KCNH1: variants seen among roughly 807,000 people sequenced by gnomAD.
The protein encoded by KCNH1 is potassium voltage-gated channel subfamily H member 1.
A neutral mutation model predicts 69.2 loss-of-function variants in KCNH1; 27 were observed. The ratio of observed to expected loss-of-function variants is 0.39; its 90% CI spans 0.29 to 0.54. The LOEUF is 0.54. Ranked by LOEUF, KCNH1 falls within the 20% of genes least tolerant of loss-of-function variation. The pLI is 0.68. For synonymous variants in KCNH1, 456 were observed against 487.7 expected (o/e 0.93, Z 0.86); for missense variants, 798 against 1,261.6 (o/e 0.63, Z 5.57).
intron 5 of KCNH1, among the ~76,000 whole-genome samples, chr1:211,027,758 C>A (rs758496829): frequency 2.0e-5 from 3 of 151,556 alleles, no homozygotes; most frequent in Non-Finnish European, 4.4e-5. Flanking sequence ...ATAAAAGCAT[C>A]ACTCCACCAA....
At chr1:210,956,907 A>G (rs1688188275) in intron 6 of KCNH1, among the ~76,000 whole-genome samples, 1 of 151,580 alleles carries the variant, frequency 6.6e-6, no homozygotes, top group African/African-American at 2.4e-5. Context: ...TCGTTTCTCT[A>G]TCTCCTTCAA....
chr1:210,863,683 T>C (rs1025040690), intron 7 of KCNH1, among the ~76,000 whole-genome samples: 2 of 152,160 alleles, frequency 1.3e-5, no homozygotes, highest in Non-Finnish European at 1.5e-5. Flanking sequence ...TCACAGCTCT[T>C]ATTAGGAAAT....
intron 6 of KCNH1, among the ~76,000 whole-genome samples, chr1:211,013,791 C>T (rs375571673): frequency 1.3e-3 from 191 of 152,322 alleles, no homozygotes; most frequent in African/African-American, 4.4e-3. Context: ...CAAGGTTGCA[C>T]AGCTGGGTGA....
chr1:210,809,705 T>C lies in KCNH1; in HGVS notation c.1463-5539A>G, dbSNP rs534765104. Among the ~76,000 whole-genome samples, 3 of 152,234 alleles carry C rather than the reference T, an allele frequency of 2.0e-5. No individual in the cohort carries two copies. In the South Asian group the frequency reaches 6.2e-4, roughly 32 times the overall value. On this transcript the variant is annotated intron_variant, in intron 7 of 10. Transcript: ENST00000271751. ...TGAGTGGTCTCTTATCAGGAAGGAA[T>C]CCAGTTCAGCTGTTTTGTGAAAATC...
chr1:211,059,130 A>G (rs111618176), intron 5 of KCNH1, among the ~76,000 whole-genome samples: 2 of 151,832 alleles, frequency 1.3e-5, no homozygotes, highest in African/African-American at 4.8e-5. Context: ...AATACAAAAA[A>G]CTAGCTAGGT....
intron 10 of KCNH1, among the ~76,000 whole-genome samples, chr1:210,716,857 T>G (rs866918055): frequency 4.1e-4 from 62 of 152,246 alleles, no homozygotes; most frequent in Middle Eastern, 6.8e-3. Flanking sequence ...TATGATTTTT[T>G]GGGGCTAAGA....
chr1:210,842,106 T>C (rs975388565), intron 7 of KCNH1, among the ~76,000 whole-genome samples: 4 of 152,158 alleles, frequency 2.6e-5, no homozygotes, highest in South Asian at 2.1e-4. Context: ...ACTTGCAAAT[T>C]TGGCTTTGTC....
chr1:210,896,286 T>C (rs1686864857), intron 7 of KCNH1, among the ~76,000 whole-genome samples: 1 of 151,946 alleles, frequency 6.6e-6, no homozygotes, highest in South Asian at 2.1e-4. Flanking sequence ...GTCATCAATG[T>C]ACGGGATCTT....
At chr1:210,684,870 C>T (rs1276221326) in intron 10 of KCNH1, among the ~76,000 whole-genome samples, 1 of 152,180 alleles carries the variant, frequency 6.6e-6, no homozygotes, top group Non-Finnish European at 1.5e-5. Flanking sequence ...TCATGTATTC[C>T]TTTTGACAGC....
At chr1:210,771,156 A>G (rs1683746051) in intron 10 of KCNH1, among the ~76,000 whole-genome samples, 1 of 152,206 alleles carries the variant, frequency 6.6e-6, no homozygotes, top group African/African-American at 2.4e-5. Context: ...GGCTTTGAGG[A>G]AAAAGCGCAT....
intron 1 of KCNH1, among the ~76,000 whole-genome samples, chr1:211,116,029 G>A (rs190662875): frequency 1.3e-3 from 202 of 152,076 alleles, no homozygotes; most frequent in African/African-American, 4.4e-3. Flanking sequence ...CCAGATACTC[G>A]GGAGGCTGAG....
intron 6 of KCNH1, among the ~76,000 whole-genome samples, chr1:210,990,860 T>C (rs1397980524): frequency 2.0e-5 from 3 of 152,078 alleles, no homozygotes; most frequent in Admixed American, 2.0e-4. Flanking sequence ...AAAAGAGCTA[T>C]GAAAAAATAT....
At chr1:210,869,654 A>G (rs1431633244) in intron 7 of KCNH1, among the ~76,000 whole-genome samples, 1 of 152,056 alleles carries the variant, frequency 6.6e-6, no homozygotes, top group Non-Finnish European at 1.5e-5. Context: ...ACTTAATTAC[A>G]TATCAGCTTG....
intron 7 of KCNH1, among the ~76,000 whole-genome samples, chr1:210,887,575 C>A (rs1384079772): frequency 6.6e-6 from 1 of 151,952 alleles, no homozygotes; most frequent in Non-Finnish European, 1.5e-5. Context: ...AGGCTAAATG[C>A]CCCAATTAAA....
intron 7 of KCNH1, among the ~76,000 whole-genome samples, chr1:210,897,511 T>C (rs1208463051): frequency 6.6e-6 from 1 of 152,130 alleles, no homozygotes; most frequent in Non-Finnish European, 1.5e-5. Context: ...GACACAGTGA[T>C]GAGGACACCC....
chr1:210,686,096 C>T (rs1484221650), intron 10 of KCNH1, among the ~76,000 whole-genome samples: 1 of 152,160 alleles, frequency 6.6e-6, no homozygotes, highest in Non-Finnish European at 1.5e-5. Context: ...TTAGCTGTAC[C>T]CCAACTGCCC....
chr1:210,979,241 T>A (rs1003831843), intron 6 of KCNH1, among the ~76,000 whole-genome samples: 10 of 152,156 alleles, frequency 6.6e-5, no homozygotes, highest in African/African-American at 2.4e-4. Context: ...ATGAGAGGAA[T>A]CTCAAGAAAA....
At chr1:210,949,652 A>G (rs1179506123) in intron 6 of KCNH1, among the ~76,000 whole-genome samples, 3 of 152,176 alleles carry the variant, frequency 2.0e-5, no homozygotes, top group African/African-American at 7.2e-5. Flanking sequence ...AATGCAATGA[A>G]TCGGTTGCAC....
chr1:210,701,754 C>A (rs1681786501), intron 10 of KCNH1, among the ~76,000 whole-genome samples: 1 of 152,012 alleles, frequency 6.6e-6, no homozygotes, highest in Non-Finnish European at 1.5e-5. Context: ...ACAGTAGTTC[C>A]ATTTTTTTCC....
Sources: allele counts gnomAD v4.1 joint callset (sites outside exome capture counted in the v4.1 genomes callset), GRCh38; gene constraint gnomAD v4.1.1; transcripts MANE v1.5; gene names NCBI Gene and HGNC (gene_info 2026-07-23, HGNC 2026-07-21).